The following UBR3 variants were observed in gnomAD, a reference collection of about 807,000 sequenced individuals.
UBR3 encodes the protein E3 ubiquitin-protein ligase UBR3.
In UBR3, 85 loss-of-function variants were observed where a neutral mutation model predicts 243.2. The observed-to-expected ratio is 0.35, with a 90% CI of 0.29 to 0.42. The LOEUF is 0.42. UBR3 is among the 10% of genes least tolerant of loss of function. The probability of loss-of-function intolerance (pLI) is 1.00; values close to 1 mark genes in which losing one functional copy is unlikely to be tolerated. For missense variants in UBR3, 1,686 were observed against 2,300.8 expected, an observed-to-expected ratio of 0.73 and a Z score of 5.47; for synonymous variants, 748 against 799.8, an observed-to-expected ratio of 0.94 and a Z score of 1.09.
intron 29 of UBR3, chr2:170,014,089 C>T (rs967832173): frequency 5.0e-5 from 15 of 302,202 alleles, no homozygotes; most frequent in Admixed American, 2.8e-4. Flanking sequence ...GGAACGTTAT[C>T]GGTGTTAAAT....
chr2:169,857,062 ATGT>A lies in UBR3; in HGVS notation c.546-15172_546-15170del, dbSNP rs1482915606. Among the ~76,000 whole-genome samples the A allele has an allele frequency of 4.9e-3, 140 of 28,504 alleles. 2 individuals are homozygous for A. Among genetic ancestry groups the A allele is most frequent in the African/African-American group, 0.011 (123 of 10,788 alleles). The allele number at this position is 28,504 out of a possible 152,430, so 18.7% of individuals were successfully genotyped here. A position where few individuals can be genotyped will look rare whatever the true frequency, so the allele number is the denominator to read the frequency against. On this transcript the variant is annotated intron_variant, in intron 1 of 38. Coordinates refer to ENST00000272793, the MANE Select transcript of UBR3 (RefSeq NM_172070.4). The stretch of plus-strand genomic sequence containing the variant: ...TAATGATTTCCAGCATAATTTTATT[ATGT>A]TTTTTTTTTTTTTTTTTTTTTTTTT...
At chr2:169,954,538 T>C (rs193115801) in intron 23 of UBR3, among the ~76,000 whole-genome samples, 98 of 151,250 alleles carry the variant, frequency 6.5e-4, no homozygotes, top group Admixed American at 1.1e-3. Context: ...CCGCTGCTCC[T>C]AGCCCCCAAT....
intron 19 of UBR3, among the ~76,000 whole-genome samples, chr2:169,938,840 T>C (rs570533841): frequency 1.3e-5 from 2 of 152,334 alleles, no homozygotes; most frequent in African/African-American, 2.4e-5. Flanking sequence ...TTTTTATGTA[T>C]GCTGTGAGGT....
At chr2:169,924,860 T>C (rs1424044963) in intron 13 of UBR3, among the ~76,000 whole-genome samples, 1 of 152,014 alleles carries the variant, frequency 6.6e-6, no homozygotes, top group Non-Finnish European at 1.5e-5. Flanking sequence ...TGGTGAAACC[T>C]TGTCTCTACT....
At chr2:169,941,686 TG>T (rs2086594785) in intron 19 of UBR3, among the ~76,000 whole-genome samples, 1 of 152,254 alleles carries the variant, frequency 6.6e-6, no homozygotes, top group African/African-American at 2.4e-5. Flanking sequence ...ATCATAGGTA[TG>T]TATGTGTAGG....
At chr2:169,983,019 G>T (rs1290575573) in intron 24 of UBR3, among the ~76,000 whole-genome samples, 1 of 152,056 alleles carries the variant, frequency 6.6e-6, no homozygotes, top group Non-Finnish European at 1.5e-5. Context: ...GTTCCATTTG[G>T]TCTCTCCTCC....
chr2:169,978,878 TGGGATGAG>T (rs574724698), intron 24 of UBR3, among the ~76,000 whole-genome samples: 175 of 152,172 alleles, frequency 1.2e-3, no homozygotes, highest in Non-Finnish European at 2.1e-3. Flanking sequence ...TCTGTTTTCC[TGGGATGAG>T]GGGTGTTATA....
intron 19 of UBR3, 21 bp from the exon 20 acceptor site, chr2:169,942,472 A>G (rs1176623409): frequency 1.3e-6 from 2 of 1,527,922 alleles, no homozygotes; most frequent in African/African-American, 1.4e-5. Flanking sequence ...ATCTAATTCT[A>G]GTTTTGTTTT....
intron 5 of UBR3, among the ~76,000 whole-genome samples, chr2:169,890,808 T>A (rs2105324454): frequency 6.7e-6 from 1 of 149,916 alleles, no homozygotes; most frequent in South Asian, 2.1e-4. Context: ...TCTCCTCTTC[T>A]CTCCTACCTT....
rs537903397 is a variant in UBR3 at position 169,994,580 on chromosome 2, A to T, written c.3918+124A>T. 6.6e-6 allele frequency: 7 copies of T among 1,061,148 alleles called. No homozygotes were observed. In the Admixed American group the frequency reaches 7.7e-5, roughly 12 times the overall value. 65.7% of individuals were successfully genotyped at this position (1,061,148 alleles called of 1,614,324 possible). On this transcript the variant is annotated intron_variant, in intron 26 of 38. Coordinates refer to ENST00000272793, the MANE Select transcript of UBR3 (RefSeq NM_172070.4). ...TAAATTTGAAAGTTTATTAGAAAAA[A>T]ATTAATATGTGGATAGAAAGAAATG...
At chr2:169,972,603 G>T (rs930527211) in intron 24 of UBR3, among the ~76,000 whole-genome samples, 21 of 152,168 alleles carry the variant, frequency 1.4e-4, no homozygotes, top group African/African-American at 5.1e-4. Flanking sequence ...TGCAAGGCTG[G>T]TTCAATATAT....
chr2:169,998,485 C>G (rs547987099), intron 26 of UBR3, among the ~76,000 whole-genome samples: 18 of 152,232 alleles, frequency 1.2e-4, no homozygotes, highest in Admixed American at 1.0e-3. Context: ...ATGGCATTTT[C>G]CCTAGACTGC....
chr2:169,879,110 A>T (rs1045279889), intron 5 of UBR3, among the ~76,000 whole-genome samples: 1 of 151,860 alleles, frequency 6.6e-6, no homozygotes, highest in African/African-American at 2.4e-5. Context: ...ATAAATAGGA[A>T]AAATCATTGT....
At chr2:170,004,518 C>T (rs971349960) in intron 27 of UBR3, among the ~76,000 whole-genome samples, 1 of 151,974 alleles carries the variant, frequency 6.6e-6, no homozygotes, top group Non-Finnish European at 1.5e-5. Context: ...CCATGAGTCT[C>T]TTCTGTCTGA....
At chr2:170,009,885 T>C (rs1262471219) in intron 29 of UBR3, among the ~76,000 whole-genome samples, 2 of 152,118 alleles carry the variant, frequency 1.3e-5, no homozygotes, top group Non-Finnish European at 2.9e-5. Context: ...TAGTTGATCA[T>C]GGCTATTCTC....
Position 169,989,024 on chromosome 2 carries a change from G to A in UBR3, c.3784+2230G>A, listed in dbSNP as rs182276989. ...GGAAAATTTTTAACAGTATGCTAAG[G>A]AGATGTGCAAAGTGAACCCCCATGT... On this transcript the variant is annotated intron_variant, in intron 25 of 38. Transcript: ENST00000272793. 5.3e-3 allele frequency among the ~76,000 whole-genome samples: 813 copies of A among 152,114 alleles called. 1 individual carries two copies. The highest frequency in any genetic ancestry group is 8.5e-3 in the Non-Finnish European group (575 of 67,990).
chr2:169,882,915 T>TG (rs1435675615), intron 5 of UBR3, among the ~76,000 whole-genome samples: 18 of 152,162 alleles, frequency 1.2e-4, no homozygotes, highest in Non-Finnish European at 2.6e-4. Context: ...AATTAACTGA[T>TG]TCACTCAGGC....
chr2:169,901,825 G>C (rs2084834283), intron 8 of UBR3, among the ~76,000 whole-genome samples: 1 of 152,120 alleles, frequency 6.6e-6, no homozygotes, highest in Non-Finnish European at 1.5e-5. Context: ...AGAAATTTTA[G>C]AATTTATCTT....
chr2:170,028,804 T>C (rs1464326775), intron 30 of UBR3, among the ~76,000 whole-genome samples: 3 of 151,686 alleles, frequency 2.0e-5, no homozygotes, highest in Non-Finnish European at 4.4e-5. Context: ...GTAGAATAAA[T>C]TTAAATAGTT....
Sources: allele counts gnomAD v4.1 joint callset (sites outside exome capture counted in the v4.1 genomes callset), GRCh38; gene constraint gnomAD v4.1.1; transcripts MANE v1.5; gene names NCBI Gene and HGNC (gene_info 2026-07-23, HGNC 2026-07-21).